The following DAGLB variants were observed in gnomAD, a reference collection of about 807,000 sequenced individuals.
DAGLB encodes the protein diacylglycerol lipase beta, also known as diacylglycerol lipase-beta.
DAGLB carries 66 observed loss-of-function variants against 72.1 expected under a neutral mutation model. That is an observed-to-expected ratio of 0.92 (90% confidence interval 0.75 to 1.12). The LOEUF (loss-of-function observed/expected upper bound fraction) is 1.12. DAGLB is among the 50% of genes most tolerant of loss of function. DAGLB has a pLI of 0.00. For missense variants in DAGLB, 1,065 were observed against 884.9 expected (o/e 1.20, Z -2.58); for synonymous variants, 414 against 359.5 (o/e 1.15, Z -1.71).
At chr7:6,432,381 G>A (rs921299955) in intron 5 of DAGLB, among the ~76,000 whole-genome samples, 2 of 151,916 alleles carry the variant, frequency 1.3e-5, no homozygotes, top group African/African-American at 2.4e-5. Context: ...GGGGAGGCTG[G>A]GCACGGTGGC....
chr7:6,440,852 G>C (rs1011215174), intron 2 of DAGLB, among the ~76,000 whole-genome samples: 1 of 152,062 alleles, frequency 6.6e-6, no homozygotes, highest in East Asian at 1.9e-4. Flanking sequence ...CTGGGCAACA[G>C]AGCAAAATTC....
chr7:6,419,178 C>T (rs1283973692), intron 9 of DAGLB, among the ~76,000 whole-genome samples: 1 of 150,794 alleles, frequency 6.6e-6, no homozygotes, highest in Non-Finnish European at 1.5e-5. Flanking sequence ...CTCACCACCA[C>T]ACCCGGCTAA....
At chr7:6,426,404 G>T (rs1784310697) in intron 6 of DAGLB, among the ~76,000 whole-genome samples, 1 of 152,170 alleles carries the variant, frequency 6.6e-6, no homozygotes, top group Non-Finnish European at 1.5e-5. Context: ...TGAGTAGCTG[G>T]GATTACATGC....
chr7:6,445,296 C>G (rs998564346), intron 2 of DAGLB, among the ~76,000 whole-genome samples: 4 of 152,152 alleles, frequency 2.6e-5, no homozygotes, highest in Non-Finnish European at 5.9e-5. Flanking sequence ...ATTCAGCCAT[C>G]AAAATGAAGT....
chr7:6,443,059 T>C (rs1583303724), intron 2 of DAGLB, among the ~76,000 whole-genome samples: 1 of 148,480 alleles, frequency 6.7e-6, no homozygotes. Flanking sequence ...GGCGGGCGCC[T>C]GTAGTCCCAG....
At chr7:6,443,988 C>T (rs889918643) in intron 2 of DAGLB, among the ~76,000 whole-genome samples, 6 of 152,156 alleles carry the variant, frequency 3.9e-5, no homozygotes, top group Admixed American at 6.6e-5. Context: ...AATAGGTGAT[C>T]AGACGCGGTG....
chr7:6,417,996 G>A (rs903553806), intron 9 of DAGLB, among the ~76,000 whole-genome samples: 2 of 151,898 alleles, frequency 1.3e-5, no homozygotes, highest in African/African-American at 2.4e-5. Context: ...TCAGCCTCCT[G>A]AGTAACTGGG....
At chr7:6,413,778 C>T (rs1009206716) in intron 11 of DAGLB, among the ~76,000 whole-genome samples, 6 of 152,218 alleles carry the variant, frequency 3.9e-5, no homozygotes, top group African/African-American at 1.4e-4. Flanking sequence ...CAACGAGTCA[C>T]ATAATAGTGC....
Position 6,447,905 on chromosome 7 carries a change from A to T in DAGLB, c.-63T>A. ...GCGCGCCGTTCACCGAGAACAAACC[A>T]GCACCCTCCGGACGCCGCCACCAAA... On this transcript the variant is annotated 5_prime_UTR_variant, in exon 1 of 15. Coordinates refer to ENST00000297056, the MANE Select transcript of DAGLB (RefSeq NM_139179.4). The T allele has an allele frequency of 6.6e-7, 1 of 1,506,362 alleles. No individual in the cohort carries two copies. The highest frequency in any genetic ancestry group is 1.2e-5 in the South Asian group (1 of 81,974). The allele number at this position is 1,506,362 out of a possible 1,614,324, so 93.3% of individuals were successfully genotyped here. A position where few individuals can be genotyped will look rare whatever the true frequency, so the allele number is the denominator to read the frequency against.
intron 6 of DAGLB, among the ~76,000 whole-genome samples, chr7:6,426,857 C>T (rs964673624): frequency 8.5e-5 from 13 of 152,294 alleles, no homozygotes; most frequent in African/African-American, 2.4e-4. Context: ...GCCTGTAATC[C>T]GGCACTCTGG....
chr7:6,430,258 T>C (rs1169763400), intron 6 of DAGLB, among the ~76,000 whole-genome samples: 5 of 104,052 alleles, frequency 4.8e-5, no homozygotes, highest in African/African-American at 1.8e-4. Flanking sequence ...TGCATATATA[T>C]ATATATATAT....
chr7:6,424,369 ACT>A (rs1208309049), intron 8 of DAGLB, among the ~76,000 whole-genome samples: 3 of 151,392 alleles, frequency 2.0e-5, no homozygotes, highest in African/African-American at 7.3e-5. Context: ...CAGGGGCGTG[ACT>A]CTCTGCAGCA....
Position 6,409,795 on chromosome 7 carries a change from G to A in DAGLB, c.*42C>T. On this transcript the variant is annotated 3_prime_UTR_variant, in exon 15 of 15. Coordinates refer to ENST00000297056, the MANE Select transcript of DAGLB (RefSeq NM_139179.4). ...ATGGTAAGTCAGTTTAAGGACAAAA[G>A]CGTGAGTCCATCGTTCCTGGGACAG... The A allele has an allele frequency of 6.3e-7, 1 of 1,595,706 alleles. No individual in the cohort carries two copies. Among genetic ancestry groups the A allele is most frequent in the South Asian group, 1.1e-5 (1 of 89,558 alleles).
chr7:6,416,425 C>A, intron 11 of DAGLB: 1 of 620,686 alleles, frequency 1.6e-6, no homozygotes, highest in African/African-American at 1.9e-5. Flanking sequence ...TGTCTGTAGT[C>A]CCAGCAACTC....
chr7:6,425,924 T>G, intron 7 of DAGLB, 64 bp downstream of exon 7: 1 of 1,598,134 alleles, frequency 6.3e-7, no homozygotes. Flanking sequence ...ATAACTTCCA[T>G]CAGAATCTCT....
At chr7:6,426,179 A>C in intron 6 of DAGLB, 65 bp from the exon 7 acceptor site, 1 of 1,600,958 alleles carries the variant, frequency 6.2e-7, no homozygotes, top group Non-Finnish European at 8.5e-7. Flanking sequence ...GTCCATCCTC[A>C]CTGCCACATG....
intron 3 of DAGLB, among the ~76,000 whole-genome samples, chr7:6,435,667 T>C (rs546075901): frequency 6.4e-4 from 97 of 152,244 alleles, no homozygotes; most frequent in African/African-American, 2.1e-3. Flanking sequence ...TCCCCTTCGG[T>C]GCCTCAGGGC....
intron 7 of DAGLB, among the ~76,000 whole-genome samples, chr7:6,425,492 G>C (rs748844794): frequency 9.2e-5 from 14 of 152,000 alleles, no homozygotes; most frequent in Non-Finnish European, 2.1e-4. Flanking sequence ...GGCTGGTCTC[G>C]AACTCCTGAC....
chr7:6,445,707 C>A, intron 2 of DAGLB: 1 of 316,308 alleles, frequency 3.2e-6, no homozygotes. Context: ...AAGTGATCCA[C>A]CCACCTCGGC....
Sources: gnomAD v4.1 joint callset for allele counts (sites outside exome capture counted in the v4.1 genomes callset) on GRCh38, gnomAD v4.1.1 for gene constraint, MANE v1.5 for transcripts, NCBI Gene and HGNC (gene_info 2026-07-23, HGNC 2026-07-21) for gene names.